Variants in EFCAB6 observed in about 807,000 individuals in gnomAD.
EFCAB6 encodes EF-hand calcium-binding domain-containing protein 6.
In EFCAB6, 156 loss-of-function variants were observed where a neutral mutation model predicts 169.8. The observed-to-expected ratio is 0.92, with a 90% confidence interval of 0.81 to 1.05. The LOEUF (loss-of-function observed/expected upper bound fraction) is 1.05. Ranked by LOEUF, EFCAB6 falls within the 50% of genes least tolerant of loss-of-function variation. EFCAB6 has a pLI of 0.00. For missense variants in EFCAB6, 1,800 were observed against 1,829.1 expected, an observed-to-expected ratio of 0.98 and a Z score of 0.29; for synonymous variants, 698 against 676.4, an observed-to-expected ratio of 1.03 and a Z score of -0.50.
intron 3 of EFCAB6, among the ~76,000 whole-genome samples, chr22:43,775,839 C>T (rs1010746573): frequency 6.6e-6 from 1 of 152,202 alleles, no homozygotes; most frequent in Non-Finnish European, 1.5e-5. Flanking sequence ...GAGTTCTGGG[C>T]AACAGCCTTA....
intron 6 of EFCAB6, among the ~76,000 whole-genome samples, chr22:43,751,437 C>T (rs1204264022): frequency 6.6e-6 from 1 of 152,202 alleles, no homozygotes; most frequent in African/African-American, 2.4e-5. Flanking sequence ...CCTGGCAACA[C>T]ACTGCATCTT....
intron 29 of EFCAB6, chr22:43,535,110 C>G: frequency 3.9e-6 from 2 of 508,378 alleles, no homozygotes; most frequent in South Asian, 5.0e-5. Context: ...TTTGCATGGT[C>G]ACAGCTTATG....
chr22:43,656,422 A>C (rs188819954), intron 17 of EFCAB6, among the ~76,000 whole-genome samples: 173 of 152,222 alleles, frequency 1.1e-3, no homozygotes, highest in Admixed American at 2.4e-3. Context: ...AATTAAAAAC[A>C]ATGTGGTAAG....
intron 8 of EFCAB6, among the ~76,000 whole-genome samples, chr22:43,725,291 G>A (rs146002250): frequency 4.6e-5 from 7 of 152,036 alleles, no homozygotes; most frequent in Non-Finnish European, 8.8e-5. Context: ...ACAGGCATGC[G>A]CCACCACGCC....
intron 21 of EFCAB6, among the ~76,000 whole-genome samples, chr22:43,611,281 T>C (rs921872766): frequency 2.0e-5 from 3 of 152,166 alleles, no homozygotes; most frequent in South Asian, 2.1e-4. Flanking sequence ...CCTTGGAATA[T>C]AGCTAATCAT....
At chr22:43,678,960 G>T (rs909833410) in intron 12 of EFCAB6, among the ~76,000 whole-genome samples, 4 of 152,140 alleles carry the variant, frequency 2.6e-5, no homozygotes, top group Non-Finnish European at 5.9e-5. Flanking sequence ...GGTAAATTAA[G>T]TACTTTAGGG....
At chr22:43,752,200 C>T (rs1294313394) in intron 6 of EFCAB6, among the ~76,000 whole-genome samples, 1 of 149,330 alleles carries the variant, frequency 6.7e-6, no homozygotes, top group African/African-American at 2.5e-5. Flanking sequence ...TTACTGCAAC[C>T]TCTGCCTCCT....
At chr22:43,645,065 C>T (rs1335632921) in intron 17 of EFCAB6, among the ~76,000 whole-genome samples, 3 of 152,134 alleles carry the variant, frequency 2.0e-5, no homozygotes, top group Non-Finnish European at 2.9e-5. Flanking sequence ...AAAGCACTTG[C>T]CATCTCTGTC....
chr22:43,554,692 AG>A lies in EFCAB6; in HGVS notation c.3648+176del, dbSNP rs1215788874. The stretch of plus-strand genomic sequence containing the variant: ...CCCTGATGAAAATGGTGTAATTTAT[AG>A]TTGTTACATAAACAGAAGATTCCTG... On this transcript the variant is annotated intron_variant, in intron 27 of 31. Transcript: ENST00000262726. 9.6e-6 allele frequency: 6 copies of A among 621,780 alleles called. No homozygotes were observed. In the East Asian group the frequency reaches 1.7e-4, roughly 17 times the overall value. The allele number at this position is 621,780 out of a possible 1,614,324, so 38.5% of individuals were successfully genotyped here.
chr22:43,685,665 G>C (rs560998287), intron 11 of EFCAB6, among the ~76,000 whole-genome samples: 14 of 152,294 alleles, frequency 9.2e-5, no homozygotes, highest in Admixed American at 7.2e-4. Flanking sequence ...GATTTTGATT[G>C]ATCTTGCAAA....
intron 24 of EFCAB6, among the ~76,000 whole-genome samples, chr22:43,582,685 T>C (rs2050806685): frequency 6.6e-6 from 1 of 151,902 alleles, no homozygotes; most frequent in African/African-American, 2.4e-5. Context: ...ATCGCAGACC[T>C]AGAGCAGGAA....
intron 4 of EFCAB6, 133 bp downstream of exon 4, chr22:43,772,759 G>T: frequency 1.1e-6 from 1 of 905,736 alleles, no homozygotes; most frequent in Non-Finnish European, 1.6e-6. Context: ...TTAATTAACT[G>T]AATTATGAAA....
rs377637075 is a variant in EFCAB6, at chr22:43,694,988, T to C, written c.1032-7407A>G. On this transcript the variant is annotated intron_variant, in intron 10 of 31. Transcript: ENST00000262726. ...GTCCTGGCCAGTAAAACTGCCTAGA[T>C]AGTAAAATTGTCATAGCCAGTAAAA... is the stretch of plus-strand genomic sequence containing the variant. 3.3e-5 allele frequency among the ~76,000 whole-genome samples: 5 copies of C among 152,082 alleles called. No individual in the cohort carries two copies. In the East Asian group the frequency reaches 5.8e-4, roughly 18 times the overall value.
chr22:43,617,687 T>C (rs2053789255), intron 20 of EFCAB6, among the ~76,000 whole-genome samples: 2 of 152,124 alleles, frequency 1.3e-5, no homozygotes, highest in South Asian at 2.1e-4. Context: ...CACAGATACA[T>C]AGGAATAGTC....
At chr22:43,657,090 G>A (rs2056784043) in intron 17 of EFCAB6, among the ~76,000 whole-genome samples, 3 of 151,918 alleles carry the variant, frequency 2.0e-5, no homozygotes, top group South Asian at 4.2e-4. Flanking sequence ...AGGAGTTCAA[G>A]ACCAGCCTGT....
intron 24 of EFCAB6, among the ~76,000 whole-genome samples, chr22:43,585,401 A>G (rs761972973): frequency 5.3e-4 from 81 of 152,196 alleles, no homozygotes; most frequent in Non-Finnish European, 1.0e-3. Flanking sequence ...GTATATCAGT[A>G]GAAACCTCTG....
rs1207444678 is a variant in EFCAB6 at position 43,735,939 on chromosome 22, T to C, written c.562A>G (p.Lys188Glu). Residue 188 changes from lysine (K) to glutamate (E), a missense_variant, in exon 7 of 32, where the codon AAG becomes GAG. By Grantham distance (56) the Lys-to-Glu change is moderately conservative (BLOSUM62 1). Transcript: ENST00000262726. ...MKAFELIDVN[K>E]TGLVRPQELR... ...TCCTGCGGTCGAACCAGTCCAGTCT[T>C]GTTAACATCAATGAGCTCAAAGGCT... 1.2e-6 allele frequency: 2 copies of C among 1,614,064 alleles called. No homozygotes were observed. Among genetic ancestry groups the C allele is most frequent in the Non-Finnish European group, 1.7e-6 (2 of 1,180,038 alleles).
chr22:43,596,715 C>T (rs2052039084), intron 23 of EFCAB6, among the ~76,000 whole-genome samples: 1 of 152,138 alleles, frequency 6.6e-6, no homozygotes, highest in South Asian at 2.1e-4. Context: ...TACAAAAATA[C>T]CAAATGACAT....
intron 16 of EFCAB6, 111 bp from the exon 17 acceptor site, chr22:43,667,383 C>G: frequency 7.5e-7 from 1 of 1,333,024 alleles, no homozygotes; most frequent in Non-Finnish European, 1.0e-6. Flanking sequence ...GGTTTCCCAT[C>G]CTCGGTTCAC....
Sources: gnomAD v4.1 joint callset for allele counts (sites outside exome capture counted in the v4.1 genomes callset) on GRCh38, gnomAD v4.1.1 for gene constraint, MANE v1.5 for transcripts, NCBI Gene and HGNC (gene_info 2026-07-23, HGNC 2026-07-21) for gene names.